ADGRL1: variants seen among roughly 807,000 people sequenced by gnomAD.
ADGRL1 encodes CIRL-1.
A neutral mutation model predicts 148.9 loss-of-function variants in ADGRL1; 31 were observed. That is an observed-to-expected ratio of 0.21 (90% confidence interval 0.16 to 0.28). The LOEUF is 0.28. ADGRL1 is among the 10% of genes least tolerant of loss of function. The probability of loss-of-function intolerance (pLI) is 1.00; values close to 1 mark genes in which losing one functional copy is unlikely to be tolerated. For synonymous variants in ADGRL1, 937 were observed against 900.3 expected (o/e 1.04, Z -0.73); for missense variants, 1,521 against 2,058.8 (o/e 0.74, Z 5.05).
chr19:14,170,416 A>C (rs1455088610), intron 4 of ADGRL1: 1 of 389,396 alleles, frequency 2.6e-6, no homozygotes, highest in Non-Finnish European at 4.8e-6. Context: ...GTGCATGAAG[A>C]AGCAGGGTGA....
In ADGRL1 at chr19:14,161,680, T is replaced by C. The variant is rs527665594; in HGVS notation, c.1196-54A>G. 6.0e-4 allele frequency: 755 copies of C among 1,255,504 alleles called. 1 individual carries two copies. The highest frequency in any genetic ancestry group is 6.9e-4 in the Non-Finnish European group (676 of 976,222). The allele number at this position is 1,255,504 out of a possible 1,614,324, so 77.8% of individuals were successfully genotyped here. On this transcript the variant is annotated intron_variant, in intron 5 of 22. Transcript: ENST00000361434. The surrounding 1 kb of genome is among the most constrained non-coding windows in gnomAD (Gnocchi z 4.4). ...CCCCATGCTCAGGGCCATGCCACAG[T>C]GTGCTTGGGCAGGGGGTCCCAGGCC...
Position 14,151,133 on chromosome 19 carries a change from C to T in ADGRL1, c.4150G>A (p.Ala1384Thr). The T allele has an allele frequency of 6.3e-7, 1 of 1,588,498 alleles. No individual in the cohort carries two copies. Among genetic ancestry groups the T allele is most frequent in the Non-Finnish European group, 8.6e-7 (1 of 1,169,588 alleles). The change falls in exon 23 of 23, where the codon GCC becomes ACC. Residue 1384 changes from alanine (A) to threonine (T), a missense_variant. By Grantham distance (58) the Ala-to-Thr change is moderately conservative (BLOSUM62 0). Around this residue, in one of 8 missense-constraint regions of ADGRL1, gnomAD observed 390 missense variants for 375.0 expected, o/e 1.04. Transcript: ENST00000361434. Reference protein sequence around the residue: ...PGRDSLYASGANLRDSPSYPD... With the variant: ...PGRDSLYASGTNLRDSPSYPD... ...TAGGAGGGTGAGTCCCGCAGGTTGG[C>T]CCCGCTGGCATAGAGGGAGTCCCGG...
At chr19:14,183,218 CGAGA>C (rs1262220395) in intron 2 of ADGRL1, among the ~76,000 whole-genome samples, 2 of 124,868 alleles carry the variant, frequency 1.6e-5, no homozygotes, top group Non-Finnish European at 3.7e-5. Context: ...AGAGAGAGAG[CGAGA>C]GAGAGACAGA....
intron 4 of ADGRL1, among the ~76,000 whole-genome samples, chr19:14,166,511 A>G (rs1449827996): frequency 6.6e-6 from 1 of 152,094 alleles, no homozygotes; most frequent in African/African-American, 2.4e-5. Flanking sequence ...CCCATGAACC[A>G]GAAACATGTT....
chr19:14,186,581 T>C (rs1202605996), intron 1 of ADGRL1, among the ~76,000 whole-genome samples: 1 of 152,092 alleles, frequency 6.6e-6, no homozygotes, highest in East Asian at 1.9e-4. Context: ...CCATGCACCA[T>C]CCTATGTCAC....
chr19:14,161,289 C>CT lies in ADGRL1; in HGVS notation c.1510+22dup. Reference sequence around the variant, plus strand: ...TGGGGGCATGGCCCCCATCCCTCCCCTGGCTGCAGCCTCTGTACTCACCTC... The same window carrying CT: ...TGGGGGCATGGCCCCCATCCCTCCCCTTGGCTGCAGCCTCTGTACTCACCTC... On this transcript the variant is annotated intron_variant, in intron 6 of 22. Transcript: ENST00000361434. The surrounding 1 kb of genome is among the most constrained non-coding windows in gnomAD (Gnocchi z 4.4). 4 of 1,532,110 alleles carry CT rather than the reference C, an allele frequency of 2.6e-6. No individual in the cohort carries two copies. In the Middle Eastern group the frequency reaches 7.7e-4, roughly 293 times the overall value. The allele number at this position is 1,532,110 out of a possible 1,614,324, so 94.9% of individuals were successfully genotyped here. A position where few individuals can be genotyped will look rare whatever the true frequency, so the allele number is the denominator to read the frequency against.
At chr19:14,195,086 T>A (rs1425360909) in intron 1 of ADGRL1, among the ~76,000 whole-genome samples, 1 of 152,006 alleles carries the variant, frequency 6.6e-6, no homozygotes, top group Non-Finnish European at 1.5e-5. Flanking sequence ...GGTTTCACCA[T>A]GTTGCCCAGG....
intron 1 of ADGRL1, among the ~76,000 whole-genome samples, chr19:14,198,866 A>G (rs960292303): frequency 2.6e-5 from 4 of 152,086 alleles, no homozygotes; most frequent in Admixed American, 6.5e-5. Context: ...TGCGCTCACC[A>G]TCATGGCACG....
At chr19:14,183,406 G>A (rs1372466702) in intron 2 of ADGRL1, 127 bp downstream of exon 2, 2 of 841,418 alleles carry the variant, frequency 2.4e-6, no homozygotes, top group East Asian at 2.7e-5. Context: ...TGCTCCAGCT[G>A]AGGTCTGGGG....
intron 1 of ADGRL1, among the ~76,000 whole-genome samples, chr19:14,197,571 G>A (rs1253359263): frequency 4.6e-5 from 7 of 152,112 alleles, no homozygotes; most frequent in East Asian, 3.9e-4. Context: ...TCTACTCAGC[G>A]TCTGTCTCTC....
Position 14,160,550 on chromosome 19 carries a change from G to A in ADGRL1, c.1614+43C>T, listed in dbSNP as rs1969252455. The A allele has an allele frequency of 7.0e-7, 1 of 1,432,420 alleles. No homozygotes were observed. Among genetic ancestry groups the A allele is most frequent in the Non-Finnish European group, 9.5e-7 (1 of 1,048,874 alleles). The allele number at this position is 1,432,420 out of a possible 1,614,324, so 88.7% of individuals were successfully genotyped here. On this transcript the variant is annotated intron_variant, in intron 7 of 22. Coordinates refer to ENST00000361434, the MANE Select transcript of ADGRL1 (RefSeq NM_014921.5). The surrounding 1 kb of genome is among the most constrained non-coding windows in gnomAD (Gnocchi z 5.9). The stretch of plus-strand genomic sequence containing the variant: ...ACCCCCGCTGGGCCCTGGGCCCTGG[G>A]CCCGAGCACATGTGCCTGCCTGCGA...
Position 14,161,674 on chromosome 19 carries a change from CCA to C in ADGRL1, c.1196-50_1196-49del, listed in dbSNP as rs769052738. 24 of 1,280,304 alleles carry C rather than the reference CCA, an allele frequency of 1.9e-5. No individual in the cohort carries two copies. In the African/African-American group the frequency reaches 3.4e-4, roughly 18 times the overall value. The allele number at this position is 1,280,304 out of a possible 1,614,324, so 79.3% of individuals were successfully genotyped here. ...GGTCATCCCCATGCTCAGGGCCATG[CCA>C]CAGTGTGCTTGGGCAGGGGGTCCCA... On this transcript the variant is annotated intron_variant, in intron 5 of 22. Coordinates refer to ENST00000361434, the MANE Select transcript of ADGRL1 (RefSeq NM_014921.5). The surrounding 1 kb of genome is among the most constrained non-coding windows in gnomAD (Gnocchi z 4.4).
rs1283102625 is a variant in ADGRL1, at chr19:14,161,528, C to T, written c.1294G>A (p.Ala432Thr). ...SPAATTPLRR[A>T]PLTTHPVGAI... ...CCCACTGGGTGCGTGGTGAGGGGTG[C>T]CCGGCGGAGCGGGGTGGTGGCTGCG... Residue 432 changes from alanine (A) to threonine (T), a missense_variant, in exon 6 of 23, where the codon GCA (alanine) becomes ACA (threonine). Coordinates refer to ENST00000361434, the MANE Select transcript of ADGRL1 (RefSeq NM_014921.5). The surrounding 1 kb of genome is among the most constrained non-coding windows in gnomAD (Gnocchi z 4.4). The T allele has an allele frequency of 1.4e-6, 2 of 1,446,336 alleles. No homozygotes were observed. The highest frequency in any genetic ancestry group is 2.9e-5 in the Admixed American group (1 of 34,436). 89.6% of individuals were successfully genotyped at this position (1,446,336 alleles called of 1,614,324 possible). A position where few individuals can be genotyped will look rare whatever the true frequency, so the allele number is the denominator to read the frequency against.
chr19:14,162,523 C>G lies in ADGRL1; in HGVS notation c.1195+83G>C. On this transcript the variant is annotated intron_variant, in intron 5 of 22. Transcript: ENST00000361434. The surrounding 1 kb of genome is among the most constrained non-coding windows in gnomAD (Gnocchi z 5.4). ...CCCCAAGAGCTCACAGGATGGGGCT[C>G]CCCACTCTGGGACCCAGGGGTGGGT... The G allele has an allele frequency of 2.4e-6, 3 of 1,276,106 alleles. No homozygotes were observed. Among genetic ancestry groups the G allele is most frequent in the South Asian group, 1.4e-5 (1 of 73,720 alleles). 79.0% of individuals were successfully genotyped at this position (1,276,106 alleles called of 1,614,324 possible). A position where few individuals can be genotyped will look rare whatever the true frequency, so the allele number is the denominator to read the frequency against.
Position 14,161,679 on chromosome 19 carries a change from G to C in ADGRL1, c.1196-53C>G, listed in dbSNP as rs1969399050. The C allele has an allele frequency of 8.0e-7, 1 of 1,255,902 alleles. No individual in the cohort carries two copies. Among genetic ancestry groups the C allele is most frequent in the Admixed American group, 3.7e-5 (1 of 27,334 alleles). The allele number at this position is 1,255,902 out of a possible 1,614,324, so 77.8% of individuals were successfully genotyped here. ...TCCCCATGCTCAGGGCCATGCCACA[G>C]TGTGCTTGGGCAGGGGGTCCCAGGC... On this transcript the variant is annotated intron_variant, in intron 5 of 22. Transcript: ENST00000361434. The surrounding 1 kb of genome is among the most constrained non-coding windows in gnomAD (Gnocchi z 4.4).
At chr19:14,156,082 G>A in intron 17 of ADGRL1, 28 bp downstream of exon 17, 2 of 1,531,546 alleles carry the variant, frequency 1.3e-6, no homozygotes, top group Admixed American at 1.8e-5. Context: ...GGGTGATGGG[G>A]CAGGGGGCAG....
intron 18 of ADGRL1, among the ~76,000 whole-genome samples, chr19:14,153,874 G>A (rs1224551841): frequency 6.6e-6 from 1 of 151,664 alleles, no homozygotes; most frequent in Admixed American, 6.6e-5. Context: ...CTGGGGGGGT[G>A]GAGGTTGCAG....
At chr19:14,178,753 C>T (rs943367499) in intron 2 of ADGRL1, among the ~76,000 whole-genome samples, 1 of 152,146 alleles carries the variant, frequency 6.6e-6, no homozygotes, top group African/African-American at 2.4e-5. Flanking sequence ...CTCAAGCAAT[C>T]CTCCTGCCTT....
At chr19:14,197,943 G>A (rs909835675) in intron 1 of ADGRL1, among the ~76,000 whole-genome samples, 4 of 152,130 alleles carry the variant, frequency 2.6e-5, no homozygotes, top group Non-Finnish European at 5.9e-5. Context: ...GTGCTTGACA[G>A]GGGGTATACA....
Sources: gnomAD v4.1 joint callset for allele counts (sites outside exome capture counted in the v4.1 genomes callset) on GRCh38, gnomAD v4.1.1 for gene constraint, gnomAD v4.1.1 regional missense constraint, Gnocchi (gnomAD v3.1) non-coding constraint, MANE v1.5 for transcripts, NCBI Gene and HGNC (gene_info 2026-07-23, HGNC 2026-07-21) for gene names.